KRT85: variants seen among roughly 807,000 people sequenced by gnomAD.
KRT85 encodes the protein keratin 85.
Under a neutral mutation model 53.7 loss-of-function variants are expected in KRT85, and 39 were observed. That is an observed-to-expected ratio of 0.73 (90% CI 0.56 to 0.95). The LOEUF (loss-of-function observed/expected upper bound fraction) is 0.95. Ranked by LOEUF, KRT85 falls within the 40% of genes least tolerant of loss-of-function variation. The pLI is 0.00. For synonymous variants in KRT85, 291 were observed against 277.5 expected (o/e 1.05, Z -0.48); for missense variants, 668 against 686.0 (o/e 0.97, Z 0.29).
At position 52,367,330 on chromosome 12, in the gene KRT85, G is replaced by A. The variant is rs751413672; in HGVS notation, c.76C>T (p.Pro26Ser). Residue 26 changes from proline to serine, a missense_variant, in exon 1 of 9, where the codon CCC becomes TCC. Around this residue, in one of 3 missense-constraint regions of KRT85, gnomAD observed 158 missense variants for 141.8 expected, o/e 1.11. Coordinates refer to ENST00000257901, the MANE Select transcript of KRT85 (RefSeq NM_002283.4). ...ATGCAGCAGCGGTTGCCAGTTTTGG[G>A]GGCCACAGCTGAGCAGGAGCTGAAG... The part of the protein sequence containing the change: ...RNFSSCSAVA[P>S]KTGNRCCISA... 2 of 1,614,096 alleles carry A rather than the reference G, an allele frequency of 1.2e-6. No individual in the cohort carries two copies. The highest frequency in any genetic ancestry group is 3.3e-5 in the Admixed American group (2 of 60,028).
rs1325308615 is a variant in KRT85, at chr12:52,360,403, T to C, written c.*450A>G. ...CAGGCAAGTGCTTGCTGGGGGACCA[T>C]TCTTCCCAGCCAGGAGGAGGGGGCT... is the stretch of plus-strand genomic sequence containing the variant. On this transcript the variant is annotated 3_prime_UTR_variant, in exon 9 of 9. Transcript: ENST00000257901. 3 of 235,790 alleles carry C rather than the reference T, an allele frequency of 1.3e-5. No homozygotes were observed. The East Asian group carries it at 3.6e-4, about 28-fold the overall frequency. The allele number at this position is 235,790 out of a possible 1,614,324, so 14.6% of individuals were successfully genotyped here.
In KRT85 at chr12:52,362,359, T is replaced by C. The variant is rs764386854; in HGVS notation, c.1190A>G (p.Gln397Arg). Residue 397 changes from glutamine (Q) to arginine (R), a missense_variant, in exon 7 of 9, where the codon CAG (glutamine) becomes CGG (arginine). Around this residue, in one of 3 missense-constraint regions of KRT85, gnomAD observed 488 missense variants for 498.1 expected, o/e 0.98. Coordinates refer to ENST00000257901, the MANE Select transcript of KRT85 (RefSeq NM_002283.4). ...ELEGALQKAKQDMACLLKEYQ... is the reference protein window; with the variant it reads ...ELEGALQKAKRDMACLLKEYQ... ...CTCCTTGAGCAGGCAGGCCATGTCC[T>C]GCTTGGCCTTCTGCAGGGCGCCCTC... 6.2e-7 allele frequency: 1 copy of C among 1,614,216 alleles called. No homozygotes were observed. Among genetic ancestry groups the C allele is most frequent in the Non-Finnish European group, 8.5e-7 (1 of 1,180,024 alleles).
rs774255550 is a variant in KRT85 at position 52,361,487 on chromosome 12, C to G, written c.1310G>C (p.Gly437Ala). 6.2e-7 allele frequency: 1 copy of G among 1,614,034 alleles called. No homozygotes were observed. The highest frequency in any genetic ancestry group is 1.7e-5 in the Admixed American group (1 of 60,024). The change falls in exon 8 of 9, where the codon GGT becomes GCT. Residue 437 changes from glycine to alanine, a missense_variant. Gly to Ala is a moderately conservative substitution (Grantham distance 60). This residue lies in a region of KRT85 where 488 missense variants were observed against 498.1 expected (regional missense o/e 0.98). Transcript: ENST00000257901. ...LEGEEHRLCEGVGSVNVCVSS... is the reference protein window; with the variant it reads ...LEGEEHRLCEAVGSVNVCVSS... Reference sequence around the variant, plus strand: ...CTCACAGACATTCACAGAGCCCACACCTTCACACAGCCTATGGAGAAAGAA... The same window carrying G: ...CTCACAGACATTCACAGAGCCCACAGCTTCACACAGCCTATGGAGAAAGAA...
rs572417204 is a variant in KRT85, at chr12:52,366,755, C to A, written c.420+231G>T. Among the ~76,000 whole-genome samples the A allele has an allele frequency of 2.0e-5, 3 of 152,322 alleles. No individual in the cohort carries two copies. The East Asian group carries it at 5.8e-4, about 29-fold the overall frequency. The stretch of plus-strand genomic sequence containing the variant: ...CTACACACACACACATGTACACACA[C>A]ACACATGCACACACTTTGGATCACA... On this transcript the variant is annotated intron_variant, in intron 1 of 8. Coordinates refer to ENST00000257901, the MANE Select transcript of KRT85 (RefSeq NM_002283.4).
rs576918601 is a variant in KRT85 at position 52,364,898 on chromosome 12, T to C, written c.629+64A>G. ...GAAAGAAGCTGTGGCAAGAGGGCTA[T>C]GGGCAGAGCCTCCCAGCATTCTCTC... On this transcript the variant is annotated intron_variant, in intron 2 of 8. Transcript: ENST00000257901. 6.3e-5 allele frequency: 101 copies of C among 1,611,446 alleles called. No homozygotes were observed. The Admixed American group carries it at 1.3e-3, about 21-fold the overall frequency.
At chr12:52,366,532 C>T (rs1939273129) in intron 1 of KRT85, among the ~76,000 whole-genome samples, 1 of 152,192 alleles carries the variant, frequency 6.6e-6, no homozygotes, top group South Asian at 2.1e-4. Flanking sequence ...CCCGTTATCT[C>T]CCACTCTTCC....
At chr12:52,361,120 A>T in intron 8 of KRT85, 74 bp from the exon 9 acceptor site, 1 of 1,322,836 alleles carries the variant, frequency 7.6e-7, no homozygotes, top group South Asian at 1.3e-5. Context: ...GCCCCAGGGC[A>T]CTGCAGGAGC....
chr12:52,365,317 C>G, intron 1 of KRT85, 147 bp from the exon 2 acceptor site: 1 of 865,902 alleles, frequency 1.2e-6, no homozygotes, highest in South Asian at 1.4e-5. Context: ...TCCCAGGCCC[C>G]CAGGGAGGCA....
intron 6 of KRT85, 110 bp from the exon 7 acceptor site, chr12:52,362,581 C>T (rs1939208846): frequency 1.4e-6 from 2 of 1,418,658 alleles, no homozygotes; most frequent in Admixed American, 1.9e-5. Flanking sequence ...AGAAGGTTGG[C>T]CCGTGGCCAG....
Position 52,360,888 on chromosome 12 carries a change from T to A in KRT85, c.1489A>T (p.Ser497Cys). The A allele has an allele frequency of 6.2e-7, 1 of 1,612,382 alleles. No homozygotes were observed. Among genetic ancestry groups the A allele is most frequent in the East Asian group, 2.2e-5 (1 of 44,882 alleles). Residue 497 changes from serine to cysteine, a missense_variant, in exon 9 of 9, where the codon AGC becomes TGC. Physicochemically the swap from Ser to Cys is moderately radical, Grantham distance 112. Around this residue, in one of 3 missense-constraint regions of KRT85, gnomAD observed 488 missense variants for 498.1 expected, o/e 0.98. Transcript: ENST00000257901. The part of the protein sequence containing the change: ...APCQPRSSSF[S>C]CGSSRSVRFA ...CGGACCGACCGGCTACTCCCGCAGC[T>A]GAAGCTGGAGGAACGAGGCTGGCAG...
At position 52,360,917 on chromosome 12, in the gene KRT85, G is replaced by A; in HGVS notation, c.1460C>T (p.Ala487Val). 1.2e-6 allele frequency: 2 copies of A among 1,612,634 alleles called. No individual in the cohort carries two copies. The highest frequency in any genetic ancestry group is 1.7e-6 in the Non-Finnish European group (2 of 1,179,982). Residue 487 changes from alanine to valine, a missense_variant, in exon 9 of 9, where the codon GCC (alanine) becomes GTC (valine). Physicochemically the swap from Ala to Val is moderately conservative, Grantham distance 64. Coordinates refer to ENST00000257901, the MANE Select transcript of KRT85 (RefSeq NM_002283.4). ...GCTGGAGGAACGAGGCTGGCAGGGG[G>A]CACAGGAGTCAGGGGCCACCACCGT... Reference protein sequence around the residue: ...SITVVAPDSCAPCQPRSSSFS... With the variant: ...SITVVAPDSCVPCQPRSSSFS...
At chr12:52,361,590 T>C in intron 7 of KRT85, 92 bp from the exon 8 acceptor site, 1 of 1,161,358 alleles carries the variant, frequency 8.6e-7, no homozygotes, top group Non-Finnish European at 1.3e-6. Flanking sequence ...TCATCCTGTG[T>C]ACAGAGTCTA....
chr12:52,363,486 C>T, intron 4 of KRT85, 76 bp from the exon 5 acceptor site: 1 of 1,535,900 alleles, frequency 6.5e-7, no homozygotes. Context: ...GGGACAATGT[C>T]CACTTCCCAG....
chr12:52,361,388 C>T, intron 8 of KRT85, 79 bp downstream of exon 8: 1 of 1,309,764 alleles, frequency 7.6e-7, no homozygotes, highest in Non-Finnish European at 1.1e-6. Context: ...ACACTCGAGG[C>T]TCCATGGGTT....
At position 52,364,332 on chromosome 12, in the gene KRT85, C is replaced by G. The variant is rs764864688; in HGVS notation, c.664G>C (p.Glu222Gln). Reference sequence around the variant, plus strand: ...TTCTTTAGAACGACAAACTCATTCTCTGCTGTGGCTCTCAGGGCCACCTCC... The same window carrying G: ...TTCTTTAGAACGACAAACTCATTCTGTGCTGTGGCTCTCAGGGCCACCTCC... ...EEEVALRATA[E>Q]NEFVVLKKDV... is the part of the protein sequence containing the mutation. Residue 222 changes from glutamate (E) to glutamine (Q), a missense_variant, in exon 3 of 9, where the codon GAG (glutamate) becomes CAG (glutamine). Glu to Gln is a conservative substitution (Grantham distance 29). Coordinates refer to ENST00000257901, the MANE Select transcript of KRT85 (RefSeq NM_002283.4). 6.2e-7 allele frequency: 1 copy of G among 1,614,184 alleles called. No individual in the cohort carries two copies. The highest frequency in any genetic ancestry group is 1.7e-5 in the Admixed American group (1 of 60,036).
chr12:52,361,452 C>A lies in KRT85; in HGVS notation c.1330+15G>T. 6.2e-7 allele frequency: 1 copy of A among 1,613,518 alleles called. No individual in the cohort carries two copies. The highest frequency in any genetic ancestry group is 1.1e-5 in the South Asian group (1 of 91,076). ...AAAAGCCATTTTTCCAGGAGAATTTCAGGCAGATACTCACAGACATTCACA... is the reference window on the plus strand; with the variant it reads ...AAAAGCCATTTTTCCAGGAGAATTTAAGGCAGATACTCACAGACATTCACA... On this transcript the variant is annotated intron_variant, in intron 8 of 8. Transcript: ENST00000257901.
At chr12:52,366,844 G>T in intron 1 of KRT85, 142 bp downstream of exon 1, 1 of 1,384,856 alleles carries the variant, frequency 7.2e-7, no homozygotes, top group Non-Finnish European at 1.0e-6. Context: ...GATGGAAACT[G>T]ACCCTTCCAC....
chr12:52,363,450 G>A, intron 4 of KRT85, 40 bp from the exon 5 acceptor site: 2 of 1,612,762 alleles, frequency 1.2e-6, no homozygotes, highest in East Asian at 2.2e-5. Context: ...TCTAGTGCCT[G>A]ATCTGGGCCA....
intron 3 of KRT85, 57 bp downstream of exon 3, chr12:52,364,249 T>C (rs1047707538): frequency 7.1e-5 from 114 of 1,612,892 alleles, no homozygotes; most frequent in Non-Finnish European, 1.8e-5. Flanking sequence ...ACCCTGCCCC[T>C]CGCTGGAGTT....
Sources: allele counts gnomAD v4.1 joint callset (sites outside exome capture counted in the v4.1 genomes callset), GRCh38; gene constraint gnomAD v4.1.1; regional missense constraint gnomAD v4.1.1; transcripts MANE v1.5; gene names NCBI Gene and HGNC (gene_info 2026-07-23, HGNC 2026-07-21).